The following SLC9C1 variants were observed in gnomAD, a reference collection of about 807,000 sequenced individuals.
SLC9C1 encodes solute carrier family 9 member C1.
In SLC9C1, 97 loss-of-function variants were observed where a neutral mutation model predicts 140.9. That is an observed-to-expected ratio of 0.69 (90% CI 0.58 to 0.82). The LOEUF is 0.82. Ranked by LOEUF, SLC9C1 falls within the 40% of genes least tolerant of loss-of-function variation. The pLI is 0.00. For missense variants in SLC9C1, 1,340 were observed against 1,389.3 expected (o/e 0.96, Z 0.56); for synonymous variants, 440 against 442.6 (o/e 0.99, Z 0.07).
chr3:112,204,177 T>C, intron 17 of SLC9C1, 41 bp downstream of exon 17: 10 of 1,410,200 alleles, frequency 7.1e-6, no homozygotes, highest in Non-Finnish European at 9.2e-6. Flanking sequence ...TATGAAACAA[T>C]CAGTAGGAAT....
chr3:112,224,613 CTG>C (rs1472320058), intron 13 of SLC9C1, among the ~76,000 whole-genome samples: 1 of 150,448 alleles, frequency 6.6e-6, no homozygotes. Flanking sequence ...AAAAAAATAA[CTG>C]AACAGAAATA....
chr3:112,206,509 T>A (rs965910256), intron 16 of SLC9C1, among the ~76,000 whole-genome samples: 2 of 152,072 alleles, frequency 1.3e-5, no homozygotes, highest in African/African-American at 4.8e-5. Context: ...ACCTAAAGGA[T>A]TATAAATCAT....
intron 16 of SLC9C1, among the ~76,000 whole-genome samples, chr3:112,205,118 G>C (rs1437625479): frequency 6.6e-6 from 1 of 152,042 alleles, no homozygotes; most frequent in Non-Finnish European, 1.5e-5. Flanking sequence ...ATTTGTCCCT[G>C]TTTGCAGATG....
chr3:112,204,279 T>G lies in SLC9C1; in HGVS notation c.2111A>C (p.Glu704Ala), dbSNP rs746744772. ...EIDTIKYIFN[E>A]TEVIVFIKVV... is the part of the protein sequence containing the mutation. ...TTTTATAAAGACTATTACTTCAGTCTCATTAAAAATATACTTAATGGTGTC... is the reference window on the plus strand; with the variant it reads ...TTTTATAAAGACTATTACTTCAGTCGCATTAAAAATATACTTAATGGTGTC... The change falls in exon 17 of 29, where the codon GAG becomes GCG. Residue 704 changes from glutamate to alanine, a missense_variant. By Grantham distance (107) the Glu-to-Ala change is moderately radical. Transcript: ENST00000305815. 6.5e-7 allele frequency: 1 copy of G among 1,549,656 alleles called. No homozygotes were observed. Among genetic ancestry groups the G allele is most frequent in the South Asian group, 1.3e-5 (1 of 77,414 alleles).
intron 1 of SLC9C1, among the ~76,000 whole-genome samples, chr3:112,287,802 C>G (rs1329349005): frequency 6.6e-6 from 1 of 152,072 alleles, no homozygotes; most frequent in Non-Finnish European, 1.5e-5. Flanking sequence ...AATCCCAATA[C>G]TTTGGGAGGC....
chr3:112,196,587 C>T (rs748487523), intron 20 of SLC9C1, among the ~76,000 whole-genome samples: 3 of 152,038 alleles, frequency 2.0e-5, no homozygotes, highest in Non-Finnish European at 2.9e-5. Flanking sequence ...CTTTCTGTTC[C>T]TCAGACATGT....
intron 28 of SLC9C1, among the ~76,000 whole-genome samples, chr3:112,143,867 G>T (rs929311703): frequency 6.6e-6 from 1 of 152,120 alleles, no homozygotes; most frequent in Non-Finnish European, 1.5e-5. Flanking sequence ...ATGGTTTGAG[G>T]TCTTACATTT....
At chr3:112,231,024 A>G (rs1419128833) in intron 13 of SLC9C1, among the ~76,000 whole-genome samples, 3 of 152,150 alleles carry the variant, frequency 2.0e-5, no homozygotes, top group African/African-American at 7.2e-5. Flanking sequence ...AATTTCTACA[A>G]TTGGGATCTG....
At chr3:112,143,475 T>C (rs1255138016) in intron 28 of SLC9C1, among the ~76,000 whole-genome samples, 1 of 152,216 alleles carries the variant, frequency 6.6e-6, no homozygotes, top group Non-Finnish European at 1.5e-5. Flanking sequence ...TTGATTTGCA[T>C]TTCTCTAATG....
intron 8 of SLC9C1, among the ~76,000 whole-genome samples, chr3:112,265,858 G>C (rs1266435544): frequency 1.3e-5 from 2 of 151,842 alleles, no homozygotes; most frequent in African/African-American, 4.8e-5. Context: ...TTTGCCTTAA[G>C]TTCAACTTAA....
chr3:112,160,493 C>G (rs948047437), intron 26 of SLC9C1, among the ~76,000 whole-genome samples: 3 of 145,484 alleles, frequency 2.1e-5, no homozygotes, highest in Non-Finnish European at 4.5e-5. Context: ...TTTTTCAATT[C>G]CCACTTATGA....
At chr3:112,233,954 T>C (rs2078908063) in intron 12 of SLC9C1, among the ~76,000 whole-genome samples, 1 of 152,190 alleles carries the variant, frequency 6.6e-6, no homozygotes, top group Non-Finnish European at 1.5e-5. Flanking sequence ...TGTGCATGTG[T>C]CTTTATAGCA....
At chr3:112,265,132 T>A (rs1468818187) in intron 8 of SLC9C1, among the ~76,000 whole-genome samples, 4 of 152,032 alleles carry the variant, frequency 2.6e-5, no homozygotes, top group Admixed American at 6.6e-5. Context: ...AAGTAGGAGA[T>A]AGAATGATTT....
chr3:112,270,407 C>T (rs1206192635), intron 6 of SLC9C1, among the ~76,000 whole-genome samples: 1 of 152,208 alleles, frequency 6.6e-6, no homozygotes, highest in South Asian at 2.1e-4. Context: ...TAACACTTCT[C>T]TTTTATCTTT....
At chr3:112,188,995 C>A (rs2077595059) in intron 20 of SLC9C1, among the ~76,000 whole-genome samples, 1 of 152,178 alleles carries the variant, frequency 6.6e-6, no homozygotes, top group South Asian at 2.1e-4. Context: ...TGATGATGAG[C>A]ATTTTTTCAT....
At chr3:112,150,448 A>T (rs1184630609) in intron 28 of SLC9C1, among the ~76,000 whole-genome samples, 1 of 152,028 alleles carries the variant, frequency 6.6e-6, no homozygotes, top group African/African-American at 2.4e-5. Context: ...ACTCACTTTT[A>T]TGAGGTAGAT....
At chr3:112,178,137 A>ATTT (rs113311369) in intron 23 of SLC9C1, among the ~76,000 whole-genome samples, 1 of 143,252 alleles carries the variant, frequency 7.0e-6, no homozygotes, top group Admixed American at 7.0e-5. Flanking sequence ...ACCACTACAT[A>ATTT]TTTTTTTTTT....
At position 112,185,518 on chromosome 3, in the gene SLC9C1, A is replaced by C; in HGVS notation, c.2524-3260T>G. 4 of 1,612,620 alleles carry C rather than the reference A, an allele frequency of 2.5e-6. No homozygotes were observed. In the South Asian group the frequency reaches 4.4e-5, roughly 18 times the overall value. The stretch of plus-strand genomic sequence containing the variant: ...ATGATCTCTCCTTTTTCAGGTACAA[A>C]GACTTGCACAGGGGCCCCGTCAGGC... On this transcript the variant is annotated intron_variant, in intron 20 of 28. Coordinates refer to ENST00000305815, the MANE Select transcript of SLC9C1 (RefSeq NM_183061.3).
At chr3:112,227,491 G>A (rs954624811) in intron 13 of SLC9C1, among the ~76,000 whole-genome samples, 1 of 149,238 alleles carries the variant, frequency 6.7e-6, no homozygotes, top group African/African-American at 2.5e-5. Context: ...AAAGCCATTT[G>A]ATCATCTGAA....
Sources: gnomAD v4.1 joint callset for allele counts (sites outside exome capture counted in the v4.1 genomes callset) on GRCh38, gnomAD v4.1.1 for gene constraint, MANE v1.5 for transcripts, NCBI Gene and HGNC (gene_info 2026-07-23, HGNC 2026-07-21) for gene names.